The following CD96 variants were observed in gnomAD, a reference collection of about 807,000 sequenced individuals.
CD96 encodes the protein T-cell surface protein tactile.
Under a neutral mutation model 71.3 loss-of-function variants are expected in CD96, and 70 were observed. The ratio of observed to expected loss-of-function variants is 0.98; its 90% CI spans 0.81 to 1.20. CD96 has a LOEUF of 1.20. Among genes scored for constraint, CD96 ranks in the 50% most tolerant of loss-of-function variants. The pLI is 0.00. For synonymous variants in CD96, 248 were observed against 233.0 expected (o/e 1.06, Z -0.59); for missense variants, 742 against 677.5 (o/e 1.10, Z -1.06).
intron 4 of CD96, among the ~76,000 whole-genome samples, chr3:111,580,229 A>G (rs73228162): frequency 0.062 from 9,383 of 152,236 alleles, 413 homozygotes; most frequent in Non-Finnish European, 0.097. Flanking sequence ...TGTGAAATCC[A>G]CTGTGGCCTC....
chr3:111,618,810 A>T (rs568793716), intron 8 of CD96, among the ~76,000 whole-genome samples: 1 of 151,680 alleles, frequency 6.6e-6, no homozygotes, highest in African/African-American at 2.4e-5. Context: ...TGACCTCATG[A>T]TCCACCCGCC....
chr3:111,635,090 G>T (rs899496277), intron 10 of CD96: 2 of 153,430 alleles, frequency 1.3e-5, no homozygotes, highest in African/African-American at 4.8e-5. Flanking sequence ...TCTTACAGAC[G>T]ATTCTATAAA....
At chr3:111,594,061 G>A in intron 5 of CD96, 1 of 1,614,124 alleles carries the variant, frequency 6.2e-7, no homozygotes, top group Non-Finnish European at 8.5e-7. Flanking sequence ...CCTTGTTGTG[G>A]GGCATTGGAG....
At chr3:111,555,589 A>G (rs1381034395) in intron 2 of CD96, among the ~76,000 whole-genome samples, 10 of 152,296 alleles carry the variant, frequency 6.6e-5, no homozygotes, top group Admixed American at 6.5e-4. Flanking sequence ...GCTGAATGGG[A>G]TGAGCTTTTG....
chr3:111,618,851 A>G lies in CD96; in HGVS notation c.1181-4903A>G, dbSNP rs146472299. Among the ~76,000 whole-genome samples, 1,146 of 152,114 alleles carry G rather than the reference A, an allele frequency of 7.5e-3. 18 individuals carry two copies. The highest frequency in any genetic ancestry group is 0.026 in the African/African-American group (1,087 of 41,500). On this transcript the variant is annotated intron_variant, in intron 8 of 13. Transcript: ENST00000352690. ...CTCCCAAAGTGCTGGGATTACAGGC[A>G]TGAGCCACTGCGCCCGGCCTCGCTT...
intron 3 of CD96, among the ~76,000 whole-genome samples, chr3:111,575,309 CA>C (rs1339343915): frequency 6.6e-6 from 1 of 152,058 alleles, no homozygotes; most frequent in East Asian, 1.9e-4. Flanking sequence ...TAAAGGAGCA[CA>C]AAAAGTTAGT....
intron 8 of CD96, among the ~76,000 whole-genome samples, chr3:111,617,270 C>A (rs1576395951): frequency 1.3e-5 from 2 of 151,990 alleles, no homozygotes; most frequent in Non-Finnish European, 2.9e-5. Flanking sequence ...CAGTGAAACC[C>A]CACCTTCAGG....
chr3:111,613,387 GC>G (rs1165649985), intron 8 of CD96, among the ~76,000 whole-genome samples: 1 of 152,146 alleles, frequency 6.6e-6, no homozygotes, highest in Non-Finnish European at 1.5e-5. Flanking sequence ...GTCAGCACAT[GC>G]CCCAAACAAT....
At chr3:111,579,838 C>A (rs377626625) in intron 4 of CD96, among the ~76,000 whole-genome samples, 1 of 152,166 alleles carries the variant, frequency 6.6e-6, no homozygotes, top group Non-Finnish European at 1.5e-5. Flanking sequence ...CTCAATACTG[C>A]CACACTGGAG....
At chr3:111,630,933 A>G (rs1939029885) in intron 10 of CD96, among the ~76,000 whole-genome samples, 1 of 152,256 alleles carries the variant, frequency 6.6e-6, no homozygotes, top group South Asian at 2.1e-4. Flanking sequence ...AAAGATGCAG[A>G]AAAGGCCTTC....
At chr3:111,562,910 C>T (rs897348675) in intron 2 of CD96, among the ~76,000 whole-genome samples, 1 of 152,204 alleles carries the variant, frequency 6.6e-6, no homozygotes, top group East Asian at 1.9e-4. Flanking sequence ...TTGTGCTGCT[C>T]TAACAGAATA....
intron 2 of CD96, among the ~76,000 whole-genome samples, chr3:111,562,594 G>T (rs961651266): frequency 2.0e-5 from 3 of 152,144 alleles, no homozygotes; most frequent in Non-Finnish European, 4.4e-5. Context: ...CCCTGCATTG[G>T]CAAAGCCACT....
In CD96 at chr3:111,555,529, G is replaced by A. The variant is rs139579219; in HGVS notation, c.418+10127G>A. Among the ~76,000 whole-genome samples the A allele has an allele frequency of 5.9e-5, 9 of 152,388 alleles. No homozygotes were observed. The East Asian group carries it at 7.7e-4, about 13-fold the overall frequency. On this transcript the variant is annotated intron_variant, in intron 2 of 13. Coordinates refer to ENST00000352690, the MANE Select transcript of CD96 (RefSeq NM_005816.5). Reference sequence around the variant, plus strand: ...TTTTAGCATTTTGAATATATCTTTCGATCGCCATTATTTCTGATTAAAATG... The same window carrying A: ...TTTTAGCATTTTGAATATATCTTTCAATCGCCATTATTTCTGATTAAAATG...
rs576676034 is a variant in CD96, at chr3:111,629,061, G to A, written c.1321+4657G>A. ...CCATTACCTGCCACTACAAAAAAAC[G>A]CTGAAGTATACAGGCCATTGACATT... On this transcript the variant is annotated intron_variant, in intron 10 of 13. Transcript: ENST00000352690. Among the ~76,000 whole-genome samples the A allele has an allele frequency of 6.6e-5, 10 of 152,258 alleles. No homozygotes were observed. In the South Asian group the frequency reaches 8.3e-4, roughly 13 times the overall value.
chr3:111,565,987 A>G (rs1258965370), intron 2 of CD96, among the ~76,000 whole-genome samples: 3 of 150,246 alleles, frequency 2.0e-5, no homozygotes, highest in Non-Finnish European at 3.0e-5. Context: ...GAAATATGCC[A>G]TTAAAATGTA....
At chr3:111,647,733 T>C (rs1939901513) in intron 13 of CD96, 67 bp downstream of exon 13, 2 of 1,168,966 alleles carry the variant, frequency 1.7e-6, no homozygotes, top group Non-Finnish European at 2.5e-6. Context: ...ATCAGTACAA[T>C]ATATTATTAC....
chr3:111,612,795 A>G (rs1576389754), intron 8 of CD96: 1 of 867,466 alleles, frequency 1.2e-6, no homozygotes, highest in Non-Finnish European at 1.4e-6. Flanking sequence ...CATGACACCT[A>G]TGCTTATATT....
intron 10 of CD96, among the ~76,000 whole-genome samples, chr3:111,627,774 C>T (rs148842741): frequency 6.6e-6 from 1 of 152,208 alleles, no homozygotes. Context: ...TCAGTACCCC[C>T]CTGGGACAGA....
Position 111,545,130 on chromosome 3 carries a change from C to T in CD96, c.146C>T (p.Thr49Ile), listed in dbSNP as rs1335065280. 5.0e-6 allele frequency: 8 copies of T among 1,614,152 alleles called. No homozygotes were observed. Among genetic ancestry groups the T allele is most frequent in the Non-Finnish European group, 6.8e-6 (8 of 1,180,026 alleles). ...GTCAACCTGACCTGCCAAACACAGA[C>T]AGTAGGCTTCTTCGTGCAGATGCAA... ...SDVNLTCQTQ[T>I]VGFFVQMQWS... Residue 49 changes from threonine (T) to isoleucine (I), a missense_variant, in exon 2 of 14, where the codon ACA (threonine) becomes ATA (isoleucine). By Grantham distance (89) the Thr-to-Ile change is moderately conservative. Transcript: ENST00000352690.
Sources: allele counts gnomAD v4.1 joint callset (sites outside exome capture counted in the v4.1 genomes callset), GRCh38; gene constraint gnomAD v4.1.1; transcripts MANE v1.5; gene names NCBI Gene and HGNC (gene_info 2026-07-23, HGNC 2026-07-21).